Variants in CRYBA4 observed in about 807,000 individuals in gnomAD.
The protein encoded by CRYBA4 is crystallin beta A4, also known as beta-crystallin A4.
In CRYBA4, 30 loss-of-function variants were observed where a neutral mutation model predicts 31.7. The ratio of observed to expected loss-of-function variants is 0.95; its 90% CI spans 0.71 to 1.28. CRYBA4 has a LOEUF of 1.28. CRYBA4 is among the 50% of genes most tolerant of loss of function. The pLI is 0.00. For synonymous variants in CRYBA4, 102 were observed against 102.3 expected, an observed-to-expected ratio of 1.00 and a Z score of 0.02; for missense variants, 225 against 260.7, an observed-to-expected ratio of 0.86 and a Z score of 0.94.
At chr22:26,619,442 G>A (rs1279859024), upstream of CRYBA4, among the ~76,000 whole-genome samples, 3 of 152,166 alleles carry the variant, frequency 2.0e-5, no homozygotes, top group Non-Finnish European at 4.4e-5. Flanking sequence ...AGTACAGCTG[G>A]GGTCAGAAGG....
rs778397499 is a variant in CRYBA4, at chr22:26,625,534, G to A, written c.212G>A (p.Arg71Gln). The change falls in exon 4 of 6, where the codon CGA becomes CAA. Residue 71 changes from arginine (R) to glutamine (Q), a missense_variant. Arg to Gln is a conservative substitution (Grantham distance 43). Transcript: ENST00000354760. The stretch of plus-strand genomic sequence containing the variant: ...CAAGGGCAGCAGTACATTCTGGAAC[G>A]AGGCGAATATCCAAGCTGGGATGCC... The part of the protein sequence containing the change: ...GFQGQQYILE[R>Q]GEYPSWDAWG... 10 of 1,613,930 alleles carry A rather than the reference G, an allele frequency of 6.2e-6. No individual in the cohort carries two copies. The highest frequency in any genetic ancestry group is 1.3e-5 in the African/African-American group (1 of 74,922).
chr22:26,628,513 G>C, intron 5 of CRYBA4, 83 bp downstream of exon 5: 11 of 1,533,390 alleles, frequency 7.2e-6, no homozygotes, highest in Non-Finnish European at 9.0e-6. Context: ...TGTGTGCTGG[G>C]GACTTTTGTG....
intron 4 of CRYBA4, among the ~76,000 whole-genome samples, chr22:26,627,489 TTTCTTTCTTTC>T (rs1302515637): frequency 0.042 from 30 of 714 alleles, no homozygotes; most frequent in Non-Finnish European, 0.06. Context: ...TTTCTTTCCT[TTTCTTTCTTTC>T]TTTCTTTCTT....
chr22:26,591,758 A>G, the CRYBA4 span, among the ~76,000 whole-genome samples: 1 of 150,312 alleles, frequency 6.7e-6, no homozygotes, highest in African/African-American at 2.4e-5. Flanking sequence ...AAAAAAAAAA[A>G]TGAGCAGGGC....
rs1034716654 is a variant in CRYBA4, at chr22:26,623,098, C to T, written c.40-136C>T. ...CTAGTGTCTCACATTTATCACTGCT[C>T]TTGCCTTCCTGGCTCCTGGAGGAAT... is the stretch of plus-strand genomic sequence containing the variant. On this transcript the variant is annotated intron_variant, in intron 2 of 5. Coordinates refer to ENST00000354760, the MANE Select transcript of CRYBA4 (RefSeq NM_001886.3). 7 of 783,396 alleles carry T rather than the reference C, an allele frequency of 8.9e-6. No individual in the cohort carries two copies. In the East Asian group the frequency reaches 1.5e-4, roughly 16 times the overall value. The allele number at this position is 783,396 out of a possible 1,614,324, so 48.5% of individuals were successfully genotyped here. A position where few individuals can be genotyped will look rare whatever the true frequency, so the allele number is the denominator to read the frequency against.
At chr22:26,607,405 T>C in the CRYBA4 span, among the ~76,000 whole-genome samples, 12 of 151,944 alleles carry the variant, frequency 7.9e-5, no homozygotes, top group African/African-American at 2.9e-4. Flanking sequence ...TGAAAAGTTT[T>C]CCCAGGCCTG....
the CRYBA4 span, chr22:26,616,381 G>A: frequency 3.5e-5 from 48 of 1,368,512 alleles, no homozygotes; most frequent in Non-Finnish European, 4.5e-5. Context: ...CCCCCAAACT[G>A]CCTCCTGCCC....
upstream of CRYBA4, among the ~76,000 whole-genome samples, chr22:26,617,760 C>T (rs890266414): frequency 6.6e-6 from 1 of 151,938 alleles, no homozygotes; most frequent in African/African-American, 2.4e-5. Context: ...TCTATCTGTC[C>T]TTTTTAATTA....
chr22:26,620,992 G>A (rs1444905861), upstream of CRYBA4, among the ~76,000 whole-genome samples: 2 of 152,104 alleles, frequency 1.3e-5, no homozygotes, highest in Admixed American at 6.5e-5. Flanking sequence ...AGCAGGGCTG[G>A]ATTTCATCTC....
chr22:26,623,174 A>G, intron 2 of CRYBA4, 60 bp from the exon 3 acceptor site: 1 of 1,418,004 alleles, frequency 7.1e-7, no homozygotes, highest in Non-Finnish European at 9.9e-7. Context: ...CGAGCCCCCA[A>G]CCTCTCACCC....
intron 4 of CRYBA4, among the ~76,000 whole-genome samples, chr22:26,627,348 C>CTTT (rs1929732968): frequency 2.7e-5 from 1 of 37,504 alleles, no homozygotes; most frequent in Non-Finnish European, 4.2e-5. Context: ...TCCCTCCCTC[C>CTTT]CTCCCTCCCT....
chr22:26,615,556 C>T, the CRYBA4 span, among the ~76,000 whole-genome samples: 2 of 151,906 alleles, frequency 1.3e-5, no homozygotes, highest in Non-Finnish European at 2.9e-5. Context: ...CTCTGTTGCC[C>T]AGGCTGGAGT....
the CRYBA4 span, among the ~76,000 whole-genome samples, chr22:26,600,178 A>G: frequency 3.9e-5 from 6 of 152,104 alleles, no homozygotes; most frequent in Non-Finnish European, 7.4e-5. Flanking sequence ...GAGGCGGGCA[A>G]ATCACAAGGT....
At chr22:26,608,146 G>T in the CRYBA4 span, 2 of 1,376,480 alleles carry the variant, frequency 1.5e-6, no homozygotes, top group Non-Finnish European at 2.0e-6. Context: ...GTCCAAAGGG[G>T]GCTGAACATG....
upstream of CRYBA4, among the ~76,000 whole-genome samples, chr22:26,621,717 G>T (rs1029432555): frequency 3.3e-5 from 5 of 152,156 alleles, no homozygotes; most frequent in Non-Finnish European, 4.4e-5. Context: ...CTCTAGTCAG[G>T]AACCTTGTGG....
chr22:26,593,567 C>A, the CRYBA4 span, among the ~76,000 whole-genome samples: 12 of 151,722 alleles, frequency 7.9e-5, no homozygotes, highest in Admixed American at 4.6e-4. Context: ...ACTCTGTTGC[C>A]CAGGCTGGAG....
the CRYBA4 span, among the ~76,000 whole-genome samples, chr22:26,603,667 G>C: frequency 6.6e-6 from 1 of 152,130 alleles, no homozygotes; most frequent in South Asian, 2.1e-4. Flanking sequence ...CACTTTAGGA[G>C]GCCAAGATGG....
chr22:26,608,298 GTGTGATTATCTGAGCACAC>G, the CRYBA4 span, among the ~76,000 whole-genome samples: 1 of 152,196 alleles, frequency 6.6e-6, no homozygotes, highest in African/African-American at 2.4e-5. Context: ...AGATAAATGT[GTGTGATTATCTGAGCACAC>G]TGTTTCTCTA....
Position 26,625,580 on chromosome 22 carries a change from C to T in CRYBA4, c.258C>T (p.Tyr86=), listed in dbSNP as rs1217590551. The change falls in exon 4 of 6, where the codon TAC becomes TAT. Residue 86 remains tyrosine (Y), a synonymous_variant. Transcript: ENST00000354760. ...ATGCCTGGGGCGGCAACACGGCCTA[C>T]CCCGCCGAGAGGCTCACCTCCTTCC... is the stretch of plus-strand genomic sequence containing the variant. ...SWDAWGGNTA[Y]PAERLTSFRP... The T allele has an allele frequency of 1.2e-6, 2 of 1,613,996 alleles. No individual in the cohort carries two copies. The highest frequency in any genetic ancestry group is 1.7e-5 in the Admixed American group (1 of 60,010).
Sources: gnomAD v4.1 joint callset for allele counts (sites outside exome capture counted in the v4.1 genomes callset) on GRCh38, gnomAD v4.1.1 for gene constraint, MANE v1.5 for transcripts, NCBI Gene and HGNC (gene_info 2026-07-23, HGNC 2026-07-21) for gene names.